DCAF8L2: variants seen among roughly 807,000 people sequenced by gnomAD.
The protein encoded by DCAF8L2 is DDB1 and CUL4 associated factor 8 like 2.
For synonymous variants in DCAF8L2, 200 were observed against 190.9 expected (o/e 1.05, Z -0.39); for missense variants, 430 against 490.7 (o/e 0.88, Z 1.17).
At chrX:27,678,994 G>A (rs1930235994) in intron 3 of DCAF8L2, among the ~76,000 whole-genome samples, 1 of 111,629 alleles carries the variant, frequency 9.0e-6, no homozygotes, top group Non-Finnish European at 1.9e-5. Context: ...AATGTGTGAT[G>A]AAAGGAAAAG....
At chrX:27,598,482 TC>T (rs907623842) in intron 1 of DCAF8L2, among the ~76,000 whole-genome samples, 25 of 112,109 alleles carry the variant, frequency 2.2e-4, no homozygotes, top group African/African-American at 5.8e-4. Context: ...AGTTCTTGCT[TC>T]CCCCGCTAGC....
the DCAF8L2 span, among the ~76,000 whole-genome samples, chrX:27,561,582 G>T: frequency 9.0e-6 from 1 of 110,677 alleles, no homozygotes; most frequent in Admixed American, 9.7e-5. Flanking sequence ...ATACCCATTA[G>T]CAGTCACCCC....
intron 2 of DCAF8L2, among the ~76,000 whole-genome samples, chrX:27,644,010 A>G: frequency 8.9e-6 from 1 of 111,872 alleles, no homozygotes. Flanking sequence ...TGCTTCTGCC[A>G]GAAGCATTCA....
chrX:27,742,308 C>T (rs1421548272), intron 4 of DCAF8L2, among the ~76,000 whole-genome samples: 1 of 111,514 alleles, frequency 9.0e-6, no homozygotes, highest in African/African-American at 3.3e-5. Context: ...GTGGCTCACA[C>T]CTATAATCCC....
intron 4 of DCAF8L2, among the ~76,000 whole-genome samples, chrX:27,744,807 C>G (rs147793639): frequency 1.8e-5 from 2 of 111,520 alleles, no homozygotes; most frequent in East Asian, 5.6e-4. Flanking sequence ...TTCCTGCTCC[C>G]TCTCTTACCA....
chrX:27,691,441 AT>A (rs1930709847), intron 3 of DCAF8L2, among the ~76,000 whole-genome samples: 1 of 111,479 alleles, frequency 9.0e-6, no homozygotes, highest in Non-Finnish European at 1.9e-5. Context: ...CACCTAAATC[AT>A]TTTATATGTG....
At chrX:27,567,079 C>T in the DCAF8L2 span, among the ~76,000 whole-genome samples, 2 of 111,360 alleles carry the variant, frequency 1.8e-5, no homozygotes, top group African/African-American at 6.5e-5. Context: ...TTCACTCCAC[C>T]GTGGTCCGAG....
At chrX:27,639,666 TTTC>T (rs768162500) in intron 2 of DCAF8L2, among the ~76,000 whole-genome samples, 1 of 111,540 alleles carries the variant, frequency 9.0e-6, no homozygotes, top group Non-Finnish European at 1.9e-5. Context: ...TTGGGCTTGT[TTTC>T]TTGTTTTTAT....
rs138843073 is a variant in DCAF8L2 at position 27,742,768 on chromosome X, C to G, written c.-58-4070C>G. ...CATACATAAAAACACCACCACTCAA[C>G]AGGAAACTTTAATAATTCATAATTT... On this transcript the variant is annotated intron_variant, in intron 4 of 4. Transcript: ENST00000451261. Among the ~76,000 whole-genome samples, 48 of 111,541 alleles carry G rather than the reference C, an allele frequency of 4.3e-4. 1 individual carries two copies. In the East Asian group the frequency reaches 0.013, roughly 30 times the overall value.
chrX:27,544,063 T>C, the DCAF8L2 span, among the ~76,000 whole-genome samples: 1 of 111,649 alleles, frequency 9.0e-6, no homozygotes, highest in Non-Finnish European at 1.9e-5. Flanking sequence ...AAAAATTAAG[T>C]GAGAGTCTGG....
chrX:27,577,328 C>T, the DCAF8L2 span, among the ~76,000 whole-genome samples: 3 of 111,571 alleles, frequency 2.7e-5, no homozygotes, highest in Admixed American at 1.9e-4. Flanking sequence ...CACAGTGAAC[C>T]TTCTGTAAAT....
At chrX:27,712,384 T>C (rs958945235) in intron 3 of DCAF8L2, among the ~76,000 whole-genome samples, 7 of 111,778 alleles carry the variant, frequency 6.3e-5, no homozygotes, top group South Asian at 3.7e-4. Flanking sequence ...TTCCAGTAAG[T>C]AGTTAAAATA....
the DCAF8L2 span, among the ~76,000 whole-genome samples, chrX:27,496,287 A>G: frequency 1.8e-5 from 2 of 111,981 alleles, no homozygotes; most frequent in Admixed American, 9.6e-5. Context: ...CTCATGTTGA[A>G]TGTATAATTT....
At chrX:27,527,473 G>A in the DCAF8L2 span, among the ~76,000 whole-genome samples, 1 of 110,843 alleles carries the variant, frequency 9.0e-6, no homozygotes, top group African/African-American at 3.3e-5. Context: ...TTTGCTTCCT[G>A]AGTGAGGCAA....
chrX:27,503,294 T>C, the DCAF8L2 span, among the ~76,000 whole-genome samples: 1 of 111,630 alleles, frequency 9.0e-6, no homozygotes, highest in Non-Finnish European at 1.9e-5. Context: ...CCAAAAAATT[T>C]AATTTGGTGA....
At chrX:27,677,042 A>C (rs1180327989) in intron 2 of DCAF8L2, 1 of 112,151 alleles carries the variant, frequency 8.9e-6, no homozygotes, top group African/African-American at 3.2e-5. Flanking sequence ...AACTGTTGAC[A>C]AGGGTATGTC....
intron 2 of DCAF8L2, among the ~76,000 whole-genome samples, chrX:27,667,348 G>A (rs933351553): frequency 1.8e-5 from 2 of 111,596 alleles, no homozygotes; most frequent in Non-Finnish European, 1.9e-5. Context: ...GGTTGTACAG[G>A]AAGTTCAATG....
the DCAF8L2 span, among the ~76,000 whole-genome samples, chrX:27,512,866 A>C: frequency 1.8e-4 from 20 of 108,164 alleles, no homozygotes; most frequent in South Asian, 4.1e-4. Flanking sequence ...TACAGTAAAC[A>C]AAACAGATCA....
At chrX:27,678,521 T>G (rs768153307) in intron 3 of DCAF8L2, among the ~76,000 whole-genome samples, 15 of 112,509 alleles carry the variant, frequency 1.3e-4, no homozygotes, top group Non-Finnish European at 2.8e-4. Context: ...AAGATTCTGA[T>G]ACTTGCTACA....
Sources: allele counts gnomAD v4.1 joint callset (sites outside exome capture counted in the v4.1 genomes callset), GRCh38; gene constraint gnomAD v4.1.1; transcripts MANE v1.5; gene names NCBI Gene and HGNC (gene_info 2026-07-23, HGNC 2026-07-21).